Variants in DPP4 observed in about 807,000 individuals in gnomAD.
DPP4 encodes the protein ADCP-2.
A neutral mutation model predicts 122.4 loss-of-function variants in DPP4; 93 were observed. The ratio of observed to expected loss-of-function variants is 0.76; its 90% CI spans 0.64 to 0.90. The LOEUF is 0.90. Ranked by LOEUF, DPP4 falls within the 40% of genes least tolerant of loss-of-function variation. The probability of loss-of-function intolerance (pLI) is 0.00; values close to 1 mark genes in which losing one functional copy is unlikely to be tolerated. For missense variants in DPP4, 914 were observed against 907.3 expected (o/e 1.01, Z -0.09); for synonymous variants, 321 against 302.9 (o/e 1.06, Z -0.62).
intron 2 of DPP4, 54 bp from the exon 3 acceptor site, chr2:162,047,555 T>C (rs1368937744): frequency 2.3e-6 from 3 of 1,288,736 alleles, no homozygotes; most frequent in African/African-American, 2.9e-5. Context: ...ATAACCTAAG[T>C]TTTGGATAAA....
chr2:161,993,053 C>A lies in DPP4; in HGVS notation c.*230G>T. 2 of 404,598 alleles carry A rather than the reference C, an allele frequency of 4.9e-6. No individual in the cohort carries two copies. Among genetic ancestry groups the A allele is most frequent in the South Asian group, 4.3e-5 (1 of 23,182 alleles). The allele number at this position is 404,598 out of a possible 1,614,324, so 25.1% of individuals were successfully genotyped here. A position where few individuals can be genotyped will look rare whatever the true frequency, so the allele number is the denominator to read the frequency against. ...CAGCTGATGCAGAAATGATTTTAAA[C>A]AATAAAACCCGACCGGATAATTCAA... is the stretch of plus-strand genomic sequence containing the variant. On this transcript the variant is annotated 3_prime_UTR_variant, in exon 26 of 26. Transcript: ENST00000360534.
chr2:162,000,191 A>G lies in DPP4; in HGVS notation c.2053-4819T>C, dbSNP rs539988804. ...GACTTTGGGTTTAGCGGCTTGCTCTATGCATTCTCCTACTTGTAACCAAAG... is the reference window on the plus strand; with the variant it reads ...GACTTTGGGTTTAGCGGCTTGCTCTGTGCATTCTCCTACTTGTAACCAAAG... On this transcript the variant is annotated intron_variant, in intron 23 of 25. Transcript: ENST00000360534. Among the ~76,000 whole-genome samples, 4 of 152,238 alleles carry G rather than the reference A, an allele frequency of 2.6e-5. No individual in the cohort carries two copies. The East Asian group carries it at 5.8e-4, about 22-fold the overall frequency.
intron 2 of DPP4, among the ~76,000 whole-genome samples, chr2:162,052,046 G>A (rs1443231650): frequency 6.6e-6 from 1 of 152,044 alleles, no homozygotes; most frequent in African/African-American, 2.4e-5. Context: ...GAGGCCAGGT[G>A]CAGCAGCTCA....
In DPP4 at chr2:162,038,399, A is replaced by G. The variant is rs1683864187; in HGVS notation, c.516T>C (p.Ile172=). ...GTAAATTTGGTTCAATTTTAACATA[A>G]ATGTCATTGTTCCAAACATATGCCT... The part of the protein sequence containing the change: ...HKLAYVWNND[I]YVKIEPNLPS... The change falls in exon 8 of 26, where the codon ATT becomes ATC. Residue 172 remains isoleucine (I), a synonymous_variant. Coordinates refer to ENST00000360534, the MANE Select transcript of DPP4 (RefSeq NM_001935.4). The G allele has an allele frequency of 6.2e-7, 1 of 1,607,696 alleles. No homozygotes were observed. The highest frequency in any genetic ancestry group is 8.5e-7 in the Non-Finnish European group (1 of 1,176,982).
At chr2:162,065,650 A>G (rs1220987663) in intron 2 of DPP4, among the ~76,000 whole-genome samples, 2 of 152,222 alleles carry the variant, frequency 1.3e-5, no homozygotes, top group Admixed American at 1.3e-4. Context: ...GGTGCACTGC[A>G]TGCCTCAGAG....
intron 2 of DPP4, among the ~76,000 whole-genome samples, chr2:162,065,836 T>A (rs1684928923): frequency 6.6e-6 from 1 of 152,232 alleles, no homozygotes; most frequent in Admixed American, 6.5e-5. Flanking sequence ...TTGATTGTAG[T>A]TAATGTTTAT....
rs572369468 is a variant in DPP4 at position 162,031,690 on chromosome 2, G to A, written c.887+1851C>T. On this transcript the variant is annotated intron_variant, in intron 10 of 25. Coordinates refer to ENST00000360534, the MANE Select transcript of DPP4 (RefSeq NM_001935.4). ...GGGTATTTTTTGTTCCTGGGGTCGT[G>A]AAAACCCCATGTTCTCCTCCTCAGA... is the stretch of plus-strand genomic sequence containing the variant. Among the ~76,000 whole-genome samples, 20 of 152,252 alleles carry A rather than the reference G, an allele frequency of 1.3e-4. No individual in the cohort carries two copies. In the South Asian group the frequency reaches 3.9e-3, roughly 30 times the overall value.
intron 9 of DPP4, 56 bp downstream of exon 9, chr2:162,035,108 G>A (rs1683720236): frequency 6.6e-7 from 1 of 1,525,172 alleles, no homozygotes; most frequent in African/African-American, 1.4e-5. Flanking sequence ...GGGATTAAAT[G>A]AAACCATTCT....
chr2:162,053,889 T>A (rs1684470930), intron 2 of DPP4, among the ~76,000 whole-genome samples: 1 of 152,198 alleles, frequency 6.6e-6, no homozygotes, highest in African/African-American at 2.4e-5. Context: ...CAATGCTTAA[T>A]GGAACTGCGG....
chr2:162,008,633 ACCATTGAGGTTACGTACCCT>A lies in DPP4; in HGVS notation c.1896_1915del (p.Gly633ProfsTer24). ...GAACACGCCACTTCCCGATCCCAGGACCATTGAGGTTACGTACCCTCCATATGACTAAGGAATGGAAACAG... is the reference window on the plus strand; with the variant it reads ...GAACACGCCACTTCCCGATCCCAGGACCATATGACTAAGGAATGGAAACAG... On this transcript the variant is annotated frameshift_variant, in exon 22 of 26. Coordinates refer to ENST00000360534, the MANE Select transcript of DPP4 (RefSeq NM_001935.4). LOFTEE classifies it high-confidence loss of function. 1 of 1,613,680 alleles carries A rather than the reference ACCATTGAGGTTACGTACCCT, an allele frequency of 6.2e-7. No homozygotes were observed.
chr2:162,008,071 C>T (rs572033373), intron 22 of DPP4, among the ~76,000 whole-genome samples: 8 of 152,106 alleles, frequency 5.3e-5, no homozygotes, highest in Non-Finnish European at 7.4e-5. Flanking sequence ...AATACTCTCT[C>T]GATGACAAAG....
chr2:162,024,674 G>C (rs913184867), intron 11 of DPP4, 130 bp downstream of exon 11: 1 of 1,259,254 alleles, frequency 7.9e-7, no homozygotes, highest in African/African-American at 1.5e-5. Flanking sequence ...ATTGCCTCAG[G>C]ATCAGACAGA....
chr2:162,018,864 G>T lies in DPP4; in HGVS notation c.1299-14C>A. 2 of 1,612,580 alleles carry T rather than the reference G, an allele frequency of 1.2e-6. No homozygotes were observed. Among genetic ancestry groups the T allele is most frequent in the African/African-American group, 1.3e-5 (1 of 74,952 alleles). ...CTAAGTTGGATTCTGTAAAACCAAC[G>T]GTGGAAATTAAGTGCTTGAAGAAAA... On this transcript the variant is annotated splice_polypyrimidine_tract_variant and intron_variant, in intron 15 of 25. Transcript: ENST00000360534.
chr2:162,001,558 G>A (rs141068913), intron 23 of DPP4, among the ~76,000 whole-genome samples: 12 of 152,198 alleles, frequency 7.9e-5, no homozygotes, highest in East Asian at 1.9e-4. Context: ...ATAAACTTCC[G>A]AATGATTAAA....
intron 5 of DPP4, among the ~76,000 whole-genome samples, chr2:162,042,631 A>G (rs556324797): frequency 2.6e-5 from 4 of 152,280 alleles, no homozygotes; most frequent in East Asian, 3.9e-4. Flanking sequence ...TAAAAAAAAA[A>G]AAAGAAAGAA....
chr2:162,005,696 A>G lies in DPP4; in HGVS notation c.2052+49T>C, dbSNP rs1356411838. Reference sequence around the variant, plus strand: ...ATAGATACAATTAAGAAGGTTCTTAAACCACTTATAAATAGGTTATAAAAT... The same window carrying G: ...ATAGATACAATTAAGAAGGTTCTTAGACCACTTATAAATAGGTTATAAAAT... On this transcript the variant is annotated intron_variant, in intron 23 of 25. Transcript: ENST00000360534. 5 of 1,491,852 alleles carry G rather than the reference A, an allele frequency of 3.4e-6. No homozygotes were observed. In the Admixed American group the frequency reaches 5.8e-5, roughly 17 times the overall value. 92.4% of individuals were successfully genotyped at this position (1,491,852 alleles called of 1,614,324 possible). A position where few individuals can be genotyped will look rare whatever the true frequency, so the allele number is the denominator to read the frequency against.
At chr2:162,045,032 A>G (rs1433570844) in intron 5 of DPP4, among the ~76,000 whole-genome samples, 1 of 151,228 alleles carries the variant, frequency 6.6e-6, no homozygotes, top group East Asian at 1.9e-4. Flanking sequence ...AGTATAGGTA[A>G]CTGTAGCTTC....
At chr2:162,052,318 C>CAA (rs35326408) in intron 2 of DPP4, among the ~76,000 whole-genome samples, 29 of 64,728 alleles carry the variant, frequency 4.5e-4, no homozygotes, top group Non-Finnish European at 6.1e-4. Flanking sequence ...AACTCCATCT[C>CAA]AAAAAAAAAA....
At chr2:162,017,550 G>A in intron 16 of DPP4, 1 of 169,794 alleles carries the variant, frequency 5.9e-6, no homozygotes, top group Non-Finnish European at 1.3e-5. Flanking sequence ...GGGCTGCAGA[G>A]CCCTGTAGCC....
Sources: gnomAD v4.1 joint callset for allele counts (sites outside exome capture counted in the v4.1 genomes callset) on GRCh38, gnomAD v4.1.1 for gene constraint, MANE v1.5 for transcripts, NCBI Gene and HGNC (gene_info 2026-07-23, HGNC 2026-07-21) for gene names.